The following DHX34 variants were observed in gnomAD, a reference collection of about 807,000 sequenced individuals.
DHX34 encodes DExH-box helicase 34.
DHX34 carries 96 observed loss-of-function variants against 111.1 expected under a neutral mutation model. The ratio of observed to expected loss-of-function variants is 0.86; its 90% CI spans 0.73 to 1.02. The LOEUF is 1.02. Ranked by LOEUF, DHX34 falls within the 50% of genes least tolerant of loss-of-function variation. DHX34 has a pLI of 0.00. For synonymous variants in DHX34, 688 were observed against 670.4 expected (o/e 1.03, Z -0.41); for missense variants, 1,560 against 1,579.9 (o/e 0.99, Z 0.21).
intron 3 of DHX34, among the ~76,000 whole-genome samples, chr19:47,356,910 G>A (rs561363363): frequency 2.1e-4 from 32 of 152,284 alleles, no homozygotes; most frequent in African/African-American, 7.7e-4. Flanking sequence ...CCGAGATCAT[G>A]CCACTGGGTG....
intron 13 of DHX34, 24 bp from the exon 14 acceptor site, chr19:47,379,684 CCT>C (rs761776503): frequency 5.7e-6 from 9 of 1,575,478 alleles, no homozygotes; most frequent in East Asian, 2.3e-5. Context: ...CCACCTACTC[CCT>C]GTCTTCTGCC....
intron 7 of DHX34, among the ~76,000 whole-genome samples, chr19:47,368,631 T>A (rs1194525617): frequency 7.0e-6 from 1 of 142,342 alleles, no homozygotes; most frequent in African/African-American, 2.6e-5. Flanking sequence ...TGTGTGTGTG[T>A]ATATATATAC....
rs1970194034 is a variant in DHX34, at chr19:47,377,177, G to C, written c.2677G>C (p.Val893Leu). ...SLLETNKPYL[V>L]NCVRIPALQS... Reference sequence around the variant, plus strand: ...GCTGGAGACCAACAAGCCGTACCTGGTGAACTGCGTCCGCATCCCTGCCCT... The same window carrying C: ...GCTGGAGACCAACAAGCCGTACCTGCTGAACTGCGTCCGCATCCCTGCCCT... Residue 893 changes from valine to leucine, a missense_variant, in exon 13 of 17, where the codon GTG becomes CTG. Val to Leu is a conservative substitution (Grantham distance 32). Coordinates refer to ENST00000328771, the MANE Select transcript of DHX34 (RefSeq NM_014681.6). The C allele has an allele frequency of 6.2e-7, 1 of 1,613,798 alleles. No homozygotes were observed. The highest frequency in any genetic ancestry group is 8.5e-7 in the Non-Finnish European group (1 of 1,179,952).
intron 7 of DHX34, among the ~76,000 whole-genome samples, chr19:47,371,145 G>T (rs1345553928): frequency 6.6e-6 from 1 of 151,512 alleles, no homozygotes; most frequent in African/African-American, 2.4e-5. Context: ...GTGTGTAGAT[G>T]GGGAAACTGA....
intron 8 of DHX34, among the ~76,000 whole-genome samples, chr19:47,373,264 G>T (rs967603821): frequency 6.6e-6 from 1 of 152,140 alleles, no homozygotes; most frequent in South Asian, 2.1e-4. Flanking sequence ...GTAGTGTAGT[G>T]CTGGGGGCCC....
At chr19:47,358,535 C>T (rs1372179113) in intron 4 of DHX34, among the ~76,000 whole-genome samples, 1 of 151,030 alleles carries the variant, frequency 6.6e-6, no homozygotes, top group African/African-American at 2.4e-5. Flanking sequence ...CTCACTGCAG[C>T]CTTGACTTCT....
chr19:47,351,521 C>G (rs967112511), intron 1 of DHX34, among the ~76,000 whole-genome samples: 1 of 152,182 alleles, frequency 6.6e-6, no homozygotes, highest in Non-Finnish European at 1.5e-5. Flanking sequence ...TCCTCTCCCT[C>G]TTTCACCTCT....
chr19:47,364,936 C>T (rs533434671), intron 6 of DHX34, among the ~76,000 whole-genome samples: 1 of 152,234 alleles, frequency 6.6e-6, no homozygotes, highest in African/African-American at 2.4e-5. Flanking sequence ...GTCACCTCCT[C>T]CTCCTTTACC....
intron 13 of DHX34, among the ~76,000 whole-genome samples, chr19:47,379,312 A>G (rs1396882647): frequency 6.6e-6 from 1 of 151,704 alleles, no homozygotes; most frequent in African/African-American, 2.4e-5. Context: ...ATTTTCCCCA[A>G]CATCTTATGA....
In DHX34 at chr19:47,350,848, G is replaced by A. The variant is rs552247479; in HGVS notation, c.-278+1496G>A. 4.6e-5 allele frequency among the ~76,000 whole-genome samples: 7 copies of A among 152,114 alleles called. No homozygotes were observed. In the East Asian group the frequency reaches 1.3e-3, roughly 29 times the overall value. ...ACAGAATGACTCATAAGTGAAGAGA[G>A]ATGCGAGCTGACTAGGACAGGGAAG... On this transcript the variant is annotated intron_variant, in intron 1 of 16. Coordinates refer to ENST00000328771, the MANE Select transcript of DHX34 (RefSeq NM_014681.6).
chr19:47,368,046 C>T (rs1274301746), intron 7 of DHX34, among the ~76,000 whole-genome samples: 3 of 151,612 alleles, frequency 2.0e-5, no homozygotes, highest in African/African-American at 2.4e-5. Flanking sequence ...TACCATACGA[C>T]GTCTTGGAAA....
intron 4 of DHX34, among the ~76,000 whole-genome samples, chr19:47,359,391 G>A (rs1383897044): frequency 6.6e-6 from 1 of 151,922 alleles, no homozygotes; most frequent in African/African-American, 2.4e-5. Flanking sequence ...GAGCTCAGGA[G>A]GTCAGGGCTG....
At chr19:47,362,292 A>G (rs1205631934) in intron 5 of DHX34, 184 bp from the exon 6 acceptor site, 20 of 329,322 alleles carry the variant, frequency 6.1e-5, no homozygotes, top group Non-Finnish European at 7.7e-5. Context: ...AAAAAAAAAG[A>G]TGTGTGAGGA....
chr19:47,374,234 C>T (rs1033732102), intron 9 of DHX34, among the ~76,000 whole-genome samples: 6 of 151,998 alleles, frequency 3.9e-5, no homozygotes, highest in Non-Finnish European at 1.5e-5. Context: ...GTCAGGAGAT[C>T]GTGACCATCC....
rs769181099 is a variant in DHX34, at chr19:47,353,159, C to A, written c.129C>A (p.Phe43Leu). 1.2e-5 allele frequency: 19 copies of A among 1,614,178 alleles called. 1 individual carries two copies. In the South Asian group the frequency reaches 2.1e-4, roughly 18 times the overall value. The change falls in exon 2 of 17, where the codon TTC (phenylalanine) becomes TTA (leucine). Residue 43 changes from phenylalanine (F) to leucine (L), a missense_variant. Transcript: ENST00000328771. This position sits in a 1 kb window ranked among gnomAD's most constrained non-coding sequence, Gnocchi z 4.6. ...CGCGTCGCCTCTTGGAAGATGCCTT[C>A]TTCCGTGAAGAGGATTACATCCGTC... The part of the protein sequence containing the change: ...PETRRLLEDA[F>L]FREEDYIRQG...
chr19:47,357,923 C>T lies in DHX34; in HGVS notation c.1075C>T (p.Pro359Ser). Residue 359 changes from proline to serine, a missense_variant, in exon 4 of 17, where the codon CCG becomes TCG. Coordinates refer to ENST00000328771, the MANE Select transcript of DHX34 (RefSeq NM_014681.6). ...PTTSKSEKLD[P>S]RPFLRVLESI... ...CACGTCCAAGTCAGAGAAGCTGGAC[C>T]CGCGGCCTTTCCTGAGGGTGCTGGA... 1 of 1,614,008 alleles carries T rather than the reference C, an allele frequency of 6.2e-7. No individual in the cohort carries two copies. Among genetic ancestry groups the T allele is most frequent in the Non-Finnish European group, 8.5e-7 (1 of 1,180,038 alleles).
At chr19:47,376,966 G>C (rs1970182784) in intron 12 of DHX34, 134 bp from the exon 13 acceptor site, 1 of 1,546,948 alleles carries the variant, frequency 6.5e-7, no homozygotes, top group African/African-American at 1.4e-5. Context: ...CTTCTTGTCT[G>C]AGCCAGGCCA....
At chr19:47,362,383 G>A in intron 5 of DHX34, 93 bp from the exon 6 acceptor site, 4 of 1,398,332 alleles carry the variant, frequency 2.9e-6, no homozygotes, top group Non-Finnish European at 3.7e-6. Context: ...AAAGGAGTAA[G>A]TGAGGGTGTT....
intron 12 of DHX34, 166 bp downstream of exon 12, chr19:47,376,726 G>A: frequency 7.0e-7 from 1 of 1,424,598 alleles, no homozygotes; most frequent in Non-Finnish European, 9.3e-7. Flanking sequence ...GGGTAGCCTT[G>A]GGTGACTCAC....
Sources: allele counts gnomAD v4.1 joint callset (sites outside exome capture counted in the v4.1 genomes callset), GRCh38; gene constraint gnomAD v4.1.1; non-coding constraint Gnocchi (gnomAD v3.1); transcripts MANE v1.5; gene names NCBI Gene and HGNC (gene_info 2026-07-23, HGNC 2026-07-21).